MARK3: variants seen among roughly 807,000 people sequenced by gnomAD.
The protein encoded by MARK3 is microtubule affinity regulating kinase 3.
In MARK3, 46 loss-of-function variants were observed where a neutral mutation model predicts 90.1. The observed-to-expected ratio is 0.51, with a 90% confidence interval of 0.40 to 0.65. The LOEUF is 0.65. Ranked by LOEUF, MARK3 falls within the 30% of genes least tolerant of loss-of-function variation. The probability of loss-of-function intolerance (pLI) is 0.00; values close to 1 mark genes in which losing one functional copy is unlikely to be tolerated. For missense variants in MARK3, 818 were observed against 947.2 expected, an observed-to-expected ratio of 0.86 and a Z score of 1.79; for synonymous variants, 321 against 332.6, an observed-to-expected ratio of 0.97 and a Z score of 0.38.
rs2142020039 is a variant in MARK3, at chr14:103,492,040, T to A, written c.1844+6T>A. 5 of 1,613,450 alleles carry A rather than the reference T, an allele frequency of 3.1e-6. No individual in the cohort carries two copies. Among genetic ancestry groups the A allele is most frequent in the East Asian group, 2.2e-5 (1 of 44,886 alleles). On this transcript the variant is annotated splice_donor_region_variant and intron_variant, in intron 15 of 17. Transcript: ENST00000429436. ...ACTTCAAAACTCACAAGGAGGTAAG[T>A]GCTAGGTGCTGGTTGTTTTGGAGTG...
At chr14:103,495,738 T>TA (rs1310479763) in intron 15 of MARK3, among the ~76,000 whole-genome samples, 3 of 152,238 alleles carry the variant, frequency 2.0e-5, no homozygotes, top group African/African-American at 7.2e-5. Flanking sequence ...CCTGTCTTGT[T>TA]AAAGTTTATT....
At position 103,474,337 on chromosome 14, in the gene MARK3, GTC is replaced by G. The variant is rs542943260; in HGVS notation, c.1265-652_1265-651del. On this transcript the variant is annotated intron_variant, in intron 12 of 17. Transcript: ENST00000429436. ...CTGAATCTCCTGTGCTGCTATTGGA[GTC>G]TCTATATGGTTTACTACAGGACATT... is the stretch of plus-strand genomic sequence containing the variant. Among the ~76,000 whole-genome samples the G allele has an allele frequency of 1.0e-3, 153 of 152,276 alleles. 2 individuals are homozygous for G. Among genetic ancestry groups the G allele is most frequent in the Admixed American group, 8.9e-3 (136 of 15,296 alleles).
At position 103,416,399 on chromosome 14, in the gene MARK3, C is replaced by T. The variant is rs184763380; in HGVS notation, c.243+11132C>T. On this transcript the variant is annotated intron_variant, in intron 2 of 17. Transcript: ENST00000429436. The stretch of plus-strand genomic sequence containing the variant: ...ATAAAAAGGAGGAAATTGGTGCTGT[C>T]GAAGAGATTTTGGAATAGGTGAGGG... 3.3e-5 allele frequency among the ~76,000 whole-genome samples: 5 copies of T among 152,202 alleles called. No homozygotes were observed. In the South Asian group the frequency reaches 1.0e-3, roughly 32 times the overall value.
At chr14:103,468,698 A>G (rs1157071377) in intron 12 of MARK3, among the ~76,000 whole-genome samples, 1 of 151,628 alleles carries the variant, frequency 6.6e-6, no homozygotes, top group African/African-American at 2.4e-5. Context: ...TCTTCTTTAT[A>G]CATGCAGTAG....
intron 2 of MARK3, among the ~76,000 whole-genome samples, chr14:103,414,881 C>T (rs1037464438): frequency 5.3e-5 from 8 of 152,122 alleles, no homozygotes; most frequent in African/African-American, 1.9e-4. Context: ...GCCTGTAATT[C>T]CAGCACTTTA....
chr14:103,489,082 T>A (rs2093977300), intron 14 of MARK3, among the ~76,000 whole-genome samples: 1 of 152,182 alleles, frequency 6.6e-6, no homozygotes, highest in African/African-American at 2.4e-5. Flanking sequence ...GTCACTAGGA[T>A]ACAATGTGGC....
chr14:103,471,768 G>T (rs201128380), intron 12 of MARK3, among the ~76,000 whole-genome samples: 1 of 151,946 alleles, frequency 6.6e-6, no homozygotes, highest in African/African-American at 2.4e-5. Flanking sequence ...TTTTCAAGGG[G>T]TTAGCTTGTT....
Position 103,465,591 on chromosome 14 carries a change from T to A in MARK3, c.575T>A (p.Ile192Asn). 1 of 1,614,118 alleles carries A rather than the reference T, an allele frequency of 6.2e-7. No homozygotes were observed. Residue 192 changes from isoleucine (I) to asparagine (N), a missense_variant, in exon 8 of 18, where the codon ATT becomes AAT. By Grantham distance (149) the Ile-to-Asn change is moderately radical. This residue lies in a region of MARK3 where 101 missense variants were observed against 175.1 expected (regional missense o/e 0.58). Coordinates refer to ENST00000429436, the MANE Select transcript of MARK3 (RefSeq NM_001128918.3). Reference sequence around the variant, plus strand: ...CTATTGTTAGATGCCGATATGAACATTAAAATAGCAGATTTCGGTTTTAGC... The same window carrying A: ...CTATTGTTAGATGCCGATATGAACAATAAAATAGCAGATTTCGGTTTTAGC... ...ENLLLDADMN[I>N]KIADFGFSNE...
At chr14:103,432,073 G>A (rs1377745668) in intron 3 of MARK3, among the ~76,000 whole-genome samples, 1 of 151,812 alleles carries the variant, frequency 6.6e-6, no homozygotes, top group Non-Finnish European at 1.5e-5. Flanking sequence ...GGAATAATGG[G>A]TCATTTGTAT....
intron 13 of MARK3, among the ~76,000 whole-genome samples, chr14:103,477,093 A>G (rs561196850): frequency 6.6e-6 from 1 of 152,358 alleles, no homozygotes; most frequent in South Asian, 2.1e-4. Context: ...AGTTAGCAAC[A>G]TTATTATTTT....
chr14:103,442,364 C>T (rs988662139), intron 3 of MARK3, among the ~76,000 whole-genome samples: 8 of 39,292 alleles, frequency 2.0e-4, no homozygotes, highest in East Asian at 1.6e-3. Context: ...AGTGAGACTC[C>T]GTCTCAAAAA....
At chr14:103,417,453 TA>T (rs776336750) in intron 2 of MARK3, 1 of 152,188 alleles carries the variant, frequency 6.6e-6, no homozygotes, top group Non-Finnish European at 1.5e-5. Context: ...AAGACTGGAG[TA>T]TAACCATGTA....
chr14:103,399,659 A>C (rs71417859), intron 1 of MARK3, among the ~76,000 whole-genome samples: 3 of 149,272 alleles, frequency 2.0e-5, no homozygotes, highest in Non-Finnish European at 4.4e-5. Context: ...AGATGGCGCC[A>C]CTGCACTCCA....
intron 3 of MARK3, among the ~76,000 whole-genome samples, chr14:103,429,598 T>C (rs1242657035): frequency 6.6e-6 from 1 of 152,168 alleles, no homozygotes; most frequent in Non-Finnish European, 1.5e-5. Context: ...CAACAAGTGG[T>C]TCTTTGTGAT....
chr14:103,392,001 C>T (rs189944339), intron 1 of MARK3, among the ~76,000 whole-genome samples: 47 of 152,236 alleles, frequency 3.1e-4, no homozygotes, highest in African/African-American at 1.0e-3. Context: ...TATGACACTT[C>T]GTAAGCCTGG....
chr14:103,451,777 C>G (rs1388200296), intron 4 of MARK3, 141 bp from the exon 5 acceptor site: 20 of 610,946 alleles, frequency 3.3e-5, no homozygotes, highest in Non-Finnish European at 4.6e-5. Flanking sequence ...ATAAAATTCC[C>G]TAAAAGCATT....
intron 1 of MARK3, among the ~76,000 whole-genome samples, chr14:103,401,790 A>T (rs1471676796): frequency 2.6e-5 from 4 of 152,194 alleles, no homozygotes. Context: ...ATAGAGTTAG[A>T]TACAAGCAAA....
rs58131166 is a variant in MARK3, at chr14:103,444,105, T to TTTTA, written c.298-4814_298-4813insTTTA. On this transcript the variant is annotated intron_variant, in intron 3 of 17. Transcript: ENST00000429436. ...AATTGTCTTTTTTTTTTTTTTTTTTTACTAGAGACTAAAATTCTCTCTCTC... is the reference window on the plus strand; with the variant it reads ...AATTGTCTTTTTTTTTTTTTTTTTTTTTTAACTAGAGACTAAAATTCTCTCTCTC... Among the ~76,000 whole-genome samples, 4 of 139,342 alleles carry TTTTA rather than the reference T, an allele frequency of 2.9e-5. No individual in the cohort carries two copies. In the Admixed American group the frequency reaches 3.0e-4, roughly 10 times the overall value. 91.4% of individuals were successfully genotyped at this position (139,342 alleles called of 152,430 possible).
intron 2 of MARK3, among the ~76,000 whole-genome samples, chr14:103,413,345 C>T (rs554497265): frequency 6.6e-6 from 1 of 150,910 alleles, no homozygotes; most frequent in South Asian, 2.1e-4. Flanking sequence ...AGGCAATAAT[C>T]ATATAACTTC....
Sources: gnomAD v4.1 joint callset for allele counts (sites outside exome capture counted in the v4.1 genomes callset) on GRCh38, gnomAD v4.1.1 for gene constraint, gnomAD v4.1.1 regional missense constraint, MANE v1.5 for transcripts, NCBI Gene and HGNC (gene_info 2026-07-23, HGNC 2026-07-21) for gene names.